The following STON2 variants were observed in gnomAD, a reference collection of about 807,000 sequenced individuals.
STON2 encodes stonin-2.
In STON2, 29 loss-of-function variants were observed where a neutral mutation model predicts 65.7. The observed-to-expected ratio is 0.44, with a 90% confidence interval of 0.33 to 0.60. STON2 has a LOEUF of 0.60. STON2 is among the 20% of genes least tolerant of loss of function. The pLI, the probability that STON2 is intolerant of heterozygous loss-of-function variation, is 0.03. For synonymous variants in STON2, 404 were observed against 414.2 expected, an observed-to-expected ratio of 0.98 and a Z score of 0.30; for missense variants, 1,054 against 1,118.1, an observed-to-expected ratio of 0.94 and a Z score of 0.82.
intron 3 of STON2, among the ~76,000 whole-genome samples, chr14:81,382,545 A>G (rs1595423002): frequency 6.8e-6 from 1 of 148,134 alleles, no homozygotes; most frequent in Non-Finnish European, 1.5e-5. Flanking sequence ...GGTGATACAG[A>G]GGGGAGGGAA....
intron 4 of STON2, among the ~76,000 whole-genome samples, chr14:81,367,545 T>G (rs988560455): frequency 1.1e-4 from 16 of 152,176 alleles, no homozygotes; most frequent in African/African-American, 3.9e-4. Flanking sequence ...GAAAAATACT[T>G]GTTCATTCTC....
upstream of STON2, among the ~76,000 whole-genome samples, chr14:81,400,817 T>C (rs1317875827): frequency 6.6e-6 from 1 of 152,190 alleles, no homozygotes; most frequent in Non-Finnish European, 1.5e-5. Flanking sequence ...TATACAGTCG[T>C]GGACTCATAA....
At chr14:81,335,750 C>G (rs1208238318) in intron 4 of STON2, among the ~76,000 whole-genome samples, 5 of 152,018 alleles carry the variant, frequency 3.3e-5, no homozygotes, top group East Asian at 1.9e-4. Flanking sequence ...GACTTGAAAC[C>G]TAATTGAAGA....
intron 5 of STON2, among the ~76,000 whole-genome samples, chr14:81,319,189 GT>G (rs1217931316): frequency 6.6e-6 from 1 of 152,222 alleles, no homozygotes; most frequent in Non-Finnish European, 1.5e-5. Flanking sequence ...TTTTGTGGTT[GT>G]TTGTAAAGCA....
rs1294940820 is a variant in STON2, at chr14:81,398,577, A to G, written c.-195T>C. 2.1e-6 allele frequency: 1 copy of G among 478,258 alleles called. No homozygotes were observed. The highest frequency in any genetic ancestry group is 3.3e-5 in the East Asian group (1 of 30,594). The allele number at this position is 478,258 out of a possible 1,614,324, so 29.6% of individuals were successfully genotyped here. ...TGCCGTTGGTTAATCTGCCAGGCAG[A>G]AATCTGTTTAACAAACAAACAAACA... On this transcript the variant is annotated 5_prime_UTR_variant, in exon 2 of 8. Coordinates refer to ENST00000614646, the MANE Select transcript of STON2 (RefSeq NM_001394390.1).
chr14:81,340,534 A>G (rs1360284270), intron 4 of STON2, among the ~76,000 whole-genome samples: 4 of 152,142 alleles, frequency 2.6e-5, no homozygotes, highest in African/African-American at 9.7e-5. Context: ...TGGCACACAG[A>G]TGTCTTGTGA....
At chr14:81,273,841 C>T (rs1183620430) in intron 6 of STON2, among the ~76,000 whole-genome samples, 5 of 152,146 alleles carry the variant, frequency 3.3e-5, no homozygotes, top group East Asian at 1.9e-4. Flanking sequence ...TAGGCAGGAA[C>T]GTGTGAGGAG....
intron 4 of STON2, among the ~76,000 whole-genome samples, chr14:81,330,180 G>A (rs1897159574): frequency 6.6e-6 from 1 of 152,168 alleles, no homozygotes; most frequent in South Asian, 2.1e-4. Flanking sequence ...CCAAGCCTCA[G>A]CATACCATCA....
intron 2 of STON2, among the ~76,000 whole-genome samples, chr14:81,425,327 T>C (rs546732122): frequency 1.3e-5 from 2 of 152,296 alleles, no homozygotes; most frequent in East Asian, 3.9e-4. Flanking sequence ...CCCACCACTT[T>C]AAGAGGCTGA....
At chr14:81,328,679 G>A (rs1897088384) in intron 4 of STON2, among the ~76,000 whole-genome samples, 3 of 152,122 alleles carry the variant, frequency 2.0e-5, no homozygotes, top group Admixed American at 2.0e-4. Context: ...GCCTAATGGG[G>A]GATGTATGGG....
rs1899063883 is a variant in STON2, at chr14:81,372,746, G to A, written c.374-1561C>T. Among the ~76,000 whole-genome samples, 4 of 152,230 alleles carry A rather than the reference G, an allele frequency of 2.6e-5. No homozygotes were observed. In the South Asian group the frequency reaches 8.3e-4, roughly 32 times the overall value. ...ATCCATCTATCCTGAGAGATAGGCA[G>A]TAGTCTTATTTTAACTCAAAGACAT... On this transcript the variant is annotated intron_variant, in intron 3 of 7. Transcript: ENST00000614646.
intron 2 of STON2, among the ~76,000 whole-genome samples, chr14:81,423,097 C>G (rs1901792630): frequency 1.3e-5 from 2 of 151,988 alleles, no homozygotes; most frequent in Admixed American, 1.3e-4. Flanking sequence ...AAACTATCTT[C>G]ATCTTCCTGC....
chr14:81,397,946 C>T (rs528429782), intron 2 of STON2, among the ~76,000 whole-genome samples: 1 of 152,294 alleles, frequency 6.6e-6, no homozygotes, highest in African/African-American at 2.4e-5. Flanking sequence ...TGAACCCAAG[C>T]ACTCTGGCTC....
rs757098398 is a variant in STON2 at position 81,277,367 on chromosome 14, A to G, written c.2115T>C (p.His705=). 5.6e-6 allele frequency: 9 copies of G among 1,614,144 alleles called. No homozygotes were observed. The highest frequency in any genetic ancestry group is 1.1e-5 in the South Asian group (1 of 91,086). ...KWIKLHECRF[H]GCVDEDVFHN... ...GGAAAACATCCTCATCCACACACCC[A>G]TGGAAACGGCACTCATGGAGCTTGA... Residue 705 remains histidine (H), a synonymous_variant, in exon 6 of 8, where the codon CAT becomes CAC. Coordinates refer to ENST00000614646, the MANE Select transcript of STON2 (RefSeq NM_001394390.1).
intron 2 of STON2, among the ~76,000 whole-genome samples, chr14:81,423,547 G>A (rs1355216539): frequency 6.6e-6 from 1 of 152,140 alleles, no homozygotes; most frequent in South Asian, 2.1e-4. Context: ...GGCTTCTACT[G>A]ACCCTGAACT....
chr14:81,371,006 A>C lies in STON2; in HGVS notation c.553T>G (p.Ser185Ala). 1 of 1,612,792 alleles carries C rather than the reference A, an allele frequency of 6.2e-7. No individual in the cohort carries two copies. The highest frequency in any genetic ancestry group is 8.5e-7 in the Non-Finnish European group (1 of 1,179,968). The stretch of plus-strand genomic sequence containing the variant: ...ATCTTACCAGTTGAGTCAGCCCCAG[A>C]AGCCTGGCCACTCGTCTGCTCCTCA... ...NAEEQTSGQASGADSTDKRTE... is the reference protein window; with the variant it reads ...NAEEQTSGQAAGADSTDKRTE... The change falls in exon 4 of 8, where the codon TCT becomes GCT. Residue 185 changes from serine to alanine, a missense_variant. Transcript: ENST00000614646.
intron 2 of STON2, among the ~76,000 whole-genome samples, chr14:81,415,232 A>G (rs1191807915): frequency 1.3e-5 from 2 of 152,092 alleles, no homozygotes; most frequent in African/African-American, 4.8e-5. Flanking sequence ...TGTTCCTCTT[A>G]TCAACCTTAT....
intron 2 of STON2, chr14:81,413,261 C>G: frequency 6.7e-7 from 1 of 1,501,068 alleles, no homozygotes; most frequent in Non-Finnish European, 8.8e-7. Context: ...GTGCCACCCA[C>G]CAGTGGTCCA....
chr14:81,291,307 G>A (rs57553550), intron 5 of STON2, among the ~76,000 whole-genome samples: 194 of 152,234 alleles, frequency 1.3e-3, no homozygotes, highest in African/African-American at 4.6e-3. Flanking sequence ...CATTCACAAA[G>A]CCAGTATGGA....
Sources: gnomAD v4.1 joint callset for allele counts (sites outside exome capture counted in the v4.1 genomes callset) on GRCh38, gnomAD v4.1.1 for gene constraint, MANE v1.5 for transcripts, NCBI Gene and HGNC (gene_info 2026-07-23, HGNC 2026-07-21) for gene names.